Variants in CNTN4 observed in about 807,000 individuals in gnomAD.
CNTN4 encodes contactin-4.
CNTN4 carries 77 observed loss-of-function variants against 122.5 expected under a neutral mutation model. The observed-to-expected ratio is 0.63, with a 90% confidence interval of 0.52 to 0.76. The LOEUF (loss-of-function observed/expected upper bound fraction) is 0.76, where lower values mean the gene tolerates loss of function less well. Ranked by LOEUF, CNTN4 falls within the 30% of genes least tolerant of loss-of-function variation. The pLI is 0.00. For synonymous variants in CNTN4, 512 were observed against 447.0 expected (o/e 1.15, Z -1.83); for missense variants, 1,256 against 1,259.1 (o/e 1.00, Z 0.04).
intron 23 of CNTN4, among the ~76,000 whole-genome samples, chr3:3,046,172 G>A (rs1485465018): frequency 5.9e-5 from 9 of 152,202 alleles, no homozygotes; most frequent in African/African-American, 1.9e-4. Flanking sequence ...TGAAAGTGAC[G>A]GGGAGAATGG....
intron 12 of CNTN4, among the ~76,000 whole-genome samples, chr3:2,916,995 A>G (rs1301856432): frequency 7.9e-6 from 1 of 126,922 alleles, no homozygotes; most frequent in Non-Finnish European, 1.7e-5. Context: ...ACGCCACTGC[A>G]CTCCAGCCTG....
chr3:2,344,600 G>C (rs2044333306), intron 3 of CNTN4, among the ~76,000 whole-genome samples: 1 of 152,086 alleles, frequency 6.6e-6, no homozygotes, highest in South Asian at 2.1e-4. Flanking sequence ...TTAAACATCA[G>C]GATTCATGGT....
intron 3 of CNTN4, among the ~76,000 whole-genome samples, chr3:2,536,831 A>G (rs541228481): frequency 6.6e-6 from 1 of 152,284 alleles, no homozygotes; most frequent in East Asian, 1.9e-4. Context: ...TATTGAGTAG[A>G]TGTTGTAGAA....
At chr3:2,181,028 C>G (rs778532564) in intron 2 of CNTN4, among the ~76,000 whole-genome samples, 3 of 151,996 alleles carry the variant, frequency 2.0e-5, no homozygotes, top group Non-Finnish European at 2.9e-5. Context: ...ACATGGGAAA[C>G]TTGTTTGTTT....
At chr3:2,779,956 G>T (rs1056811774) in intron 6 of CNTN4, among the ~76,000 whole-genome samples, 21 of 152,174 alleles carry the variant, frequency 1.4e-4, no homozygotes, top group African/African-American at 4.8e-4. Flanking sequence ...TAAGAAATTT[G>T]TTAATTTATT....
intron 6 of CNTN4, among the ~76,000 whole-genome samples, chr3:2,802,794 G>A (rs1175430111): frequency 2.0e-5 from 3 of 152,100 alleles, no homozygotes; most frequent in Non-Finnish European, 2.9e-5. Context: ...TGCTGAGGCT[G>A]AAAGCAATTG....
At chr3:2,656,161 G>T (rs1013486030) in intron 4 of CNTN4, among the ~76,000 whole-genome samples, 1 of 152,164 alleles carries the variant, frequency 6.6e-6, no homozygotes, top group South Asian at 2.1e-4. Flanking sequence ...ATAATTATAA[G>T]TCAAAGTTAT....
chr3:2,326,525 CACAA>C (rs1247993354), intron 2 of CNTN4, among the ~76,000 whole-genome samples: 72 of 114,106 alleles, frequency 6.3e-4, no homozygotes, highest in Middle Eastern at 4.8e-3. Context: ...CACACACACA[CACAA>C]TCTTACTGAT....
intron 2 of CNTN4, among the ~76,000 whole-genome samples, chr3:2,201,021 T>C (rs1214614293): frequency 6.6e-6 from 1 of 152,172 alleles, no homozygotes; most frequent in Non-Finnish European, 1.5e-5. Context: ...TTTAGGGGGA[T>C]TGTGCCACCT....
chr3:2,756,079 T>A (rs575397150), intron 6 of CNTN4, among the ~76,000 whole-genome samples: 1 of 152,242 alleles, frequency 6.6e-6, no homozygotes, highest in Non-Finnish European at 1.5e-5. Context: ...GCTCTAATTA[T>A]ATCAATATCC....
intron 7 of CNTN4, among the ~76,000 whole-genome samples, chr3:2,833,612 A>AT (rs1359313649): frequency 6.1e-5 from 8 of 130,634 alleles, no homozygotes; most frequent in African/African-American, 2.3e-4. Flanking sequence ...AAATTATGGT[A>AT]TTTTTTATTT....
chr3:2,624,779 A>G (rs1461362906), intron 4 of CNTN4, among the ~76,000 whole-genome samples: 1 of 151,590 alleles, frequency 6.6e-6, no homozygotes, highest in African/African-American at 2.4e-5. Flanking sequence ...CTATAGGCGC[A>G]TACTACCACT....
At chr3:3,047,169 A>G (rs1700743869) in intron 23 of CNTN4, among the ~76,000 whole-genome samples, 1 of 151,958 alleles carries the variant, frequency 6.6e-6, no homozygotes, top group Admixed American at 6.6e-5. Flanking sequence ...CTCCCACACA[A>G]TAATGACGGG....
intron 3 of CNTN4, among the ~76,000 whole-genome samples, chr3:2,430,422 C>CAAAAA (rs545639324): frequency 2.5e-3 from 150 of 60,186 alleles, no homozygotes; most frequent in Middle Eastern, 0.014. Flanking sequence ...ACTCTTGTCT[C>CAAAAA]AAAAAAAAAA....
chr3:3,028,160 G>T (rs1338949100), intron 15 of CNTN4, among the ~76,000 whole-genome samples: 1 of 152,108 alleles, frequency 6.6e-6, no homozygotes, highest in Non-Finnish European at 1.5e-5. Flanking sequence ...GCTTGGTATA[G>T]AGTTAACCTA....
At chr3:2,453,180 G>A (rs1489796812) in intron 3 of CNTN4, among the ~76,000 whole-genome samples, 2 of 151,628 alleles carry the variant, frequency 1.3e-5, no homozygotes, top group African/African-American at 4.8e-5. Flanking sequence ...TGGTAATTAT[G>A]TGATTAACTC....
chr3:2,418,109 T>C (rs1446436220), intron 3 of CNTN4, among the ~76,000 whole-genome samples: 1 of 152,158 alleles, frequency 6.6e-6, no homozygotes, highest in East Asian at 1.9e-4. Context: ...GTGTAAAACA[T>C]AAGAGTAAAC....
At chr3:2,283,174 G>T (rs1385987362) in intron 2 of CNTN4, among the ~76,000 whole-genome samples, 1 of 151,996 alleles carries the variant, frequency 6.6e-6, no homozygotes, top group Non-Finnish European at 1.5e-5. Context: ...AGCATTTTAA[G>T]AGAAGACATT....
At chr3:2,277,703 C>G (rs202053482) in intron 2 of CNTN4, among the ~76,000 whole-genome samples, 13 of 152,060 alleles carry the variant, frequency 8.5e-5, no homozygotes, top group Non-Finnish European at 1.9e-4. Flanking sequence ...CTTTTTTGCT[C>G]TTCTCTTCCT....
Sources: gnomAD v4.1 joint callset for allele counts (sites outside exome capture counted in the v4.1 genomes callset) on GRCh38, gnomAD v4.1.1 for gene constraint, MANE v1.5 for transcripts, NCBI Gene and HGNC (gene_info 2026-07-23, HGNC 2026-07-21) for gene names.